ITPR3: variants seen among roughly 807,000 people sequenced by gnomAD.
ITPR3 encodes inositol 1,4,5-trisphosphate receptor type 3.
Under a neutral mutation model 293.2 loss-of-function variants are expected in ITPR3, and 173 were observed. That is an observed-to-expected ratio of 0.59 (90% confidence interval 0.52 to 0.67). The LOEUF (loss-of-function observed/expected upper bound fraction) is 0.67. ITPR3 is among the 30% of genes least tolerant of loss of function. The probability of loss-of-function intolerance (pLI) is 0.00; values close to 1 mark genes in which losing one functional copy is unlikely to be tolerated. For missense variants in ITPR3, 2,796 were observed against 3,592.1 expected (o/e 0.78, Z 5.66); for synonymous variants, 1,295 against 1,444.4 (o/e 0.90, Z 2.35).
intron 48 of ITPR3, 69 bp from the exon 49 acceptor site, chr6:33,688,587 C>T (rs1582165525): frequency 2.5e-6 from 4 of 1,595,860 alleles, no homozygotes; most frequent in South Asian, 2.3e-5. Flanking sequence ...CTGAGCGGGG[C>T]CCCACATGCA....
chr6:33,649,346 C>T (rs897231615), intron 2 of ITPR3, among the ~76,000 whole-genome samples: 6 of 152,254 alleles, frequency 3.9e-5, no homozygotes, highest in Non-Finnish European at 7.3e-5. Flanking sequence ...CTGTCTCAGT[C>T]TCCCAAGTAG....
Position 33,665,917 on chromosome 6 carries a change from G to A in ITPR3, c.1492G>A (p.Val498Ile), listed in dbSNP as rs1166086953. Residue 498 changes from valine (V) to isoleucine (I), a missense_variant, in exon 14 of 58, where the codon GTC becomes ATC. Coordinates refer to ENST00000605930, the MANE Select transcript of ITPR3 (RefSeq NM_002224.4). ...NNGQNVLDIMVTKPNRERQKL... is the reference protein window; with the variant it reads ...NNGQNVLDIMITKPNRERQKL... ...TGGGCAGAATGTCCTGGACATCATG[G>A]TCACTAAGCCCAACCGGGAACGGCA... 1 of 1,614,084 alleles carries A rather than the reference G, an allele frequency of 6.2e-7. No homozygotes were observed. Among genetic ancestry groups the A allele is most frequent in the Non-Finnish European group, 8.5e-7 (1 of 1,180,038 alleles).
chr6:33,686,872 G>C (rs557803572), intron 43 of ITPR3, 137 bp from the exon 44 acceptor site: 1 of 716,148 alleles, frequency 1.4e-6, no homozygotes, highest in South Asian at 1.7e-5. Context: ...TTAAGCCGGG[G>C]GGAGGGAGGA....
At chr6:33,685,870 G>C (rs1765216789) in intron 41 of ITPR3, 43 bp downstream of exon 41, 2 of 1,546,686 alleles carry the variant, frequency 1.3e-6, no homozygotes, top group Admixed American at 3.7e-5. Flanking sequence ...CCGCTGGCCA[G>C]CCGGCATGCA....
At position 33,674,215 on chromosome 6, in the gene ITPR3, C is replaced by A; in HGVS notation, c.3066C>A (p.Asn1022Lys). Residue 1022 changes from asparagine to lysine, a missense_variant, in exon 24 of 58, where the codon AAC (asparagine) becomes AAA (lysine). Transcript: ENST00000605930. ...CTGCCCCTCTCCCCACAGCTGCCAA[C>A]ATGAACCTGGATCGCATCGGGGAGC... is the stretch of plus-strand genomic sequence containing the variant. ...TAPAFDSTTA[N>K]MNLDRIGEQA... 6.2e-7 allele frequency: 1 copy of A among 1,614,122 alleles called. No homozygotes were observed. The highest frequency in any genetic ancestry group is 8.5e-7 in the Non-Finnish European group (1 of 1,179,990).
Position 33,659,543 on chromosome 6 carries a change from G to A in ITPR3, c.705G>A (p.Leu235=), listed in dbSNP as rs1357417533. The part of the protein sequence containing the change: ...MQFRDHLEEV[L]KGGDVVRLFH... ...TTCGGGACCACCTGGAGGAGGTGTT[G>A]AAAGGGGTAAGGACTGGGAACCCCT... The change falls in exon 7 of 58, where the codon TTG becomes TTA. Residue 235 remains leucine (L), a synonymous_variant. Transcript: ENST00000605930. 1.2e-6 allele frequency: 2 copies of A among 1,613,838 alleles called. No homozygotes were observed. The highest frequency in any genetic ancestry group is 4.5e-5 in the East Asian group (2 of 44,872).
intron 1 of ITPR3, among the ~76,000 whole-genome samples, chr6:33,630,593 G>A (rs933317175): frequency 2.6e-5 from 4 of 152,078 alleles, no homozygotes; most frequent in Admixed American, 1.3e-4. Context: ...ACCCAGCACC[G>A]CTGTAGAGAC....
rs762472112 is a variant in ITPR3, at chr6:33,621,656, C to T, written c.54C>T (p.Ala18=). 1.9e-6 allele frequency: 3 copies of T among 1,610,656 alleles called. No homozygotes were observed. The highest frequency in any genetic ancestry group is 2.7e-5 in the African/African-American group (2 of 74,904). The change falls in exon 1 of 58, where the codon GCC becomes GCT. Residue 18 remains alanine (A), a synonymous_variant. Transcript: ENST00000605930. This position sits in a 1 kb window ranked among gnomAD's most constrained non-coding sequence, Gnocchi z 7.7. The stretch of plus-strand genomic sequence containing the variant: ...TCGGGGACATCGTCTCCCTGTACGC[C>T]GAGGGCTCCGTCAATGGCTTCATCA... The part of the protein sequence containing the change: ...LHIGDIVSLY[A]EGSVNGFIST...
rs1764592655 is a variant in ITPR3 at position 33,665,743 on chromosome 6, G to A, written c.1410-92G>A. The A allele has an allele frequency of 2.1e-6, 3 of 1,453,530 alleles. No homozygotes were observed. The South Asian group carries it at 3.6e-5, about 18-fold the overall frequency. 90.0% of individuals were successfully genotyped at this position (1,453,530 alleles called of 1,614,324 possible). Reference sequence around the variant, plus strand: ...TTTGGGGGCCGCTGAGTGAACTCATGAAAGCCATGTTTTGGGAGGGACTGG... The same window carrying A: ...TTTGGGGGCCGCTGAGTGAACTCATAAAAGCCATGTTTTGGGAGGGACTGG... On this transcript the variant is annotated intron_variant, in intron 13 of 57. Coordinates refer to ENST00000605930, the MANE Select transcript of ITPR3 (RefSeq NM_002224.4).
At chr6:33,646,652 T>G (rs1764073879) in intron 2 of ITPR3, among the ~76,000 whole-genome samples, 1 of 151,332 alleles carries the variant, frequency 6.6e-6, no homozygotes, top group Non-Finnish European at 1.5e-5. Context: ...GTGTGGTGGC[T>G]CATGCCTGTA....
At chr6:33,694,713 C>CT in intron 56 of ITPR3, 1 of 576,990 alleles carries the variant, frequency 1.7e-6, no homozygotes, top group South Asian at 2.2e-5. Context: ...GTCAGCCTGT[C>CT]TCGGTGGCAG....
intron 33 of ITPR3, among the ~76,000 whole-genome samples, chr6:33,681,471 G>A (rs1420379799): frequency 6.6e-6 from 1 of 152,218 alleles, no homozygotes; most frequent in Non-Finnish European, 1.5e-5. Flanking sequence ...GTGTACAGAA[G>A]CCTGATTTGA....
chr6:33,687,659 T>A lies in ITPR3; in HGVS notation c.6264+95T>A. ...CGTGGCCTGGAACAGAGTGAGGCCC[T>A]AGAATATGAGCCAGGCTAGAATTTG... On this transcript the variant is annotated intron_variant, in intron 46 of 57. Coordinates refer to ENST00000605930, the MANE Select transcript of ITPR3 (RefSeq NM_002224.4). The surrounding 1 kb of genome is among the most constrained non-coding windows in gnomAD (Gnocchi z 5.3). The A allele has an allele frequency of 2.0e-6, 2 of 991,264 alleles. No individual in the cohort carries two copies. The highest frequency in any genetic ancestry group is 2.6e-5 in the East Asian group (1 of 38,932). The allele number at this position is 991,264 out of a possible 1,614,324, so 61.4% of individuals were successfully genotyped here. A position where few individuals can be genotyped will look rare whatever the true frequency, so the allele number is the denominator to read the frequency against.
In ITPR3 at chr6:33,671,203, C is replaced by A. The variant is rs1006796493; in HGVS notation, c.2625C>A (p.Phe875Leu). ...CGCACAATCTCATCTACTTCGGCTTCTACAGCTTCAGCGAGCTGCTGCGGC... is the reference window on the plus strand; with the variant it reads ...CGCACAATCTCATCTACTTCGGCTTATACAGCTTCAGCGAGCTGCTGCGGC... ...SLAHNLIYFG[F>L]YSFSELLRLT... The change falls in exon 21 of 58, where the codon TTC becomes TTA. Residue 875 changes from phenylalanine to leucine, a missense_variant. Physicochemically the swap from Phe to Leu is conservative, Grantham distance 22. This residue lies in a region of ITPR3 where 955 missense variants were observed against 1,180.8 expected (regional missense o/e 0.81). Transcript: ENST00000605930. 3 of 1,613,678 alleles carry A rather than the reference C, an allele frequency of 1.9e-6. No homozygotes were observed. The highest frequency in any genetic ancestry group is 2.5e-6 in the Non-Finnish European group (3 of 1,179,972).
chr6:33,677,241 T>C, intron 27 of ITPR3, 152 bp downstream of exon 27: 1 of 800,466 alleles, frequency 1.2e-6, no homozygotes, highest in East Asian at 2.7e-5. Flanking sequence ...AAAACAGCCC[T>C]GCCAAGGTCC....
Position 33,676,006 on chromosome 6 carries a change from CTG to C in ITPR3, c.3282+151_3282+152del, listed in dbSNP as rs1047980854. 5.0e-5 allele frequency: 46 copies of C among 928,204 alleles called. No individual in the cohort carries two copies. The African/African-American group carries it at 6.9e-4, about 14-fold the overall frequency. 57.5% of individuals were successfully genotyped at this position (928,204 alleles called of 1,614,324 possible). On this transcript the variant is annotated intron_variant, in intron 25 of 57. Transcript: ENST00000605930. Reference sequence around the variant, plus strand: ...GCCTTGCTGAGTTCCTAGGTGAAGACTGAGTCTCCTGGCCTGGCTCAGTGCCT... The same window carrying C: ...GCCTTGCTGAGTTCCTAGGTGAAGACAGTCTCCTGGCCTGGCTCAGTGCCT...
Position 33,679,731 on chromosome 6 carries a change from G to T in ITPR3, c.3973-151G>T. On this transcript the variant is annotated intron_variant, in intron 30 of 57. Coordinates refer to ENST00000605930, the MANE Select transcript of ITPR3 (RefSeq NM_002224.4). This position sits in a 1 kb window ranked among gnomAD's most constrained non-coding sequence, Gnocchi z 4.2. ...CAGAGGGCCTGAGACATCAGCTGGGGAACCCCCAAATCCCAGCCAGGGGAG... is the reference window on the plus strand; with the variant it reads ...CAGAGGGCCTGAGACATCAGCTGGGTAACCCCCAAATCCCAGCCAGGGGAG... The T allele has an allele frequency of 1.0e-6, 1 of 1,003,742 alleles. No homozygotes were observed. The highest frequency in any genetic ancestry group is 1.8e-5 in the South Asian group (1 of 56,836). 62.2% of individuals were successfully genotyped at this position (1,003,742 alleles called of 1,614,324 possible).
In ITPR3 at chr6:33,655,928, C is replaced by T. The variant is rs200898330; in HGVS notation, c.282+41C>T. The T allele has an allele frequency of 3.1e-4, 494 of 1,611,336 alleles. 3 individuals are homozygous for T. The East Asian group carries it at 8.3e-3, about 27-fold the overall frequency. ...CAGGCGTGCATCTGTGCACATGTAC[C>T]AGGAACCTGGGTACACAAGCAGCGG... On this transcript the variant is annotated intron_variant, in intron 3 of 57. Transcript: ENST00000605930. This position sits in a 1 kb window ranked among gnomAD's most constrained non-coding sequence, Gnocchi z 4.9.
Position 33,680,328 on chromosome 6 carries a change from G to C in ITPR3, c.4225-1G>C. 6.2e-7 allele frequency: 1 copy of C among 1,612,932 alleles called. No individual in the cohort carries two copies. The highest frequency in any genetic ancestry group is 1.3e-5 in the African/African-American group (1 of 75,072). On this transcript the variant is annotated splice_acceptor_variant, in intron 31 of 57. Transcript: ENST00000605930. LOFTEE classifies it high-confidence loss of function. ...CCCCTGACCTCCCGCCCACTGCCCA[G>C]GTGAAAATGGCCTATGTGAACTTCG...
Sources: allele counts gnomAD v4.1 joint callset (sites outside exome capture counted in the v4.1 genomes callset), GRCh38; gene constraint gnomAD v4.1.1; regional missense constraint gnomAD v4.1.1; non-coding constraint Gnocchi (gnomAD v3.1); transcripts MANE v1.5; gene names NCBI Gene and HGNC (gene_info 2026-07-23, HGNC 2026-07-21).